KLHL1: variants seen among roughly 807,000 people sequenced by gnomAD.
KLHL1 encodes kelch-like protein 1.
In KLHL1, 47 loss-of-function variants were observed where a neutral mutation model predicts 77.7. The ratio of observed to expected loss-of-function variants is 0.60; its 90% CI spans 0.48 to 0.77. The LOEUF (loss-of-function observed/expected upper bound fraction) is 0.77. KLHL1 is among the 30% of genes least tolerant of loss of function. KLHL1 has a pLI of 0.00. For synonymous variants in KLHL1, 360 were observed against 325.2 expected (o/e 1.11, Z -1.15); for missense variants, 925 against 910.8 (o/e 1.02, Z -0.20).
intron 7 of KLHL1, among the ~76,000 whole-genome samples, chr13:69,780,729 T>TATATATATATATATAC (rs1876129920): frequency 1.5e-5 from 1 of 67,644 alleles, no homozygotes; most frequent in Non-Finnish European, 3.1e-5. Context: ...TATATATATA[T>TATATATATATATATAC]ATACATATAT....
At chr13:69,715,553 C>A (rs1362699790) in intron 9 of KLHL1, among the ~76,000 whole-genome samples, 1 of 151,160 alleles carries the variant, frequency 6.6e-6, no homozygotes, top group Non-Finnish European at 1.5e-5. Flanking sequence ...CGGAATCTCG[C>A]TCTGTTGCCC....
chr13:69,786,665 G>C (rs948619898), intron 7 of KLHL1, among the ~76,000 whole-genome samples: 1 of 152,142 alleles, frequency 6.6e-6, no homozygotes, highest in Non-Finnish European at 1.5e-5. Flanking sequence ...AGGTCAATTA[G>C]GCAGGAGAGG....
At chr13:69,761,155 A>G (rs1200573695) in intron 7 of KLHL1, among the ~76,000 whole-genome samples, 1 of 152,224 alleles carries the variant, frequency 6.6e-6, no homozygotes, top group African/African-American at 2.4e-5. Flanking sequence ...AGAACAATAT[A>G]AGAATCTGGC....
chr13:69,922,334 C>A (rs190067783), intron 4 of KLHL1, among the ~76,000 whole-genome samples: 1 of 151,908 alleles, frequency 6.6e-6, no homozygotes, highest in East Asian at 1.9e-4. Flanking sequence ...GAGAGAATAA[C>A]GTGTAAGGAC....
At chr13:69,882,649 GAA>G (rs1399395484) in intron 4 of KLHL1, among the ~76,000 whole-genome samples, 154 bp from the exon 5 acceptor site, 1 of 152,180 alleles carries the variant, frequency 6.6e-6, no homozygotes, top group African/African-American at 2.4e-5. Flanking sequence ...CTGTTAAGAT[GAA>G]AGCATTGTAA....
chr13:69,730,978 T>G (rs1381188050), intron 8 of KLHL1, among the ~76,000 whole-genome samples: 1 of 152,148 alleles, frequency 6.6e-6, no homozygotes, highest in Non-Finnish European at 1.5e-5. Context: ...TGAAGAATGT[T>G]AAATTTTATC....
At chr13:69,824,265 A>G (rs1878458199) in intron 6 of KLHL1, among the ~76,000 whole-genome samples, 1 of 152,106 alleles carries the variant, frequency 6.6e-6, no homozygotes, top group Admixed American at 6.6e-5. Flanking sequence ...TTATTAGTAG[A>G]AAAGACCATA....
In KLHL1 at chr13:69,729,537, GGT is replaced by G. The variant is rs536335897; in HGVS notation, c.1803-9958_1803-9957del. Among the ~76,000 whole-genome samples the G allele has an allele frequency of 1.5e-3, 230 of 152,076 alleles. 1 individual carries two copies. The highest frequency in any genetic ancestry group is 5.4e-3 in the African/African-American group (224 of 41,482). On this transcript the variant is annotated intron_variant, in intron 8 of 10. Coordinates refer to ENST00000377844, the MANE Select transcript of KLHL1 (RefSeq NM_020866.3). ...AAGGGGAAAAAATCACGTCAGCAGA[GGT>G]GAGGAAAAAAACAAACAAAAAAATG...
chr13:69,852,875 A>T (rs939184979), intron 5 of KLHL1, among the ~76,000 whole-genome samples: 4 of 152,044 alleles, frequency 2.6e-5, no homozygotes, highest in Non-Finnish European at 5.9e-5. Flanking sequence ...AATAAATGAA[A>T]ATATATTTAT....
chr13:70,047,819 A>G (rs1259541507), intron 1 of KLHL1, among the ~76,000 whole-genome samples: 1 of 152,178 alleles, frequency 6.6e-6, no homozygotes, highest in African/African-American at 2.4e-5. Context: ...ACTTTTAAGC[A>G]GAAGCATGTC....
chr13:69,816,622 G>A (rs532250920), intron 6 of KLHL1, among the ~76,000 whole-genome samples: 5 of 152,066 alleles, frequency 3.3e-5, no homozygotes, highest in South Asian at 2.1e-4. Flanking sequence ...ATTTCTTAGC[G>A]CTATAATTAA....
At chr13:69,916,437 G>C (rs922939349) in intron 4 of KLHL1, among the ~76,000 whole-genome samples, 1 of 152,070 alleles carries the variant, frequency 6.6e-6, no homozygotes, top group Non-Finnish European at 1.5e-5. Context: ...CATGTCCTTT[G>C]TAGGGACATG....
chr13:69,778,492 GTATCT>G (rs1169518892), intron 7 of KLHL1, among the ~76,000 whole-genome samples: 1 of 152,090 alleles, frequency 6.6e-6, no homozygotes, highest in Middle Eastern at 3.2e-3. Context: ...GCCGAATATA[GTATCT>G]TATATTCCTT....
rs1485924072 is a variant in KLHL1, at chr13:69,705,287, A to G, written c.2187+2338T>C. 5.9e-5 allele frequency among the ~76,000 whole-genome samples: 9 copies of G among 151,852 alleles called. No individual in the cohort carries two copies. The East Asian group carries it at 1.7e-3, about 29-fold the overall frequency. On this transcript the variant is annotated intron_variant, in intron 10 of 10. Coordinates refer to ENST00000377844, the MANE Select transcript of KLHL1 (RefSeq NM_020866.3). ...CAAAAGTCAAATTTATTTAAAACAT[A>G]CATAGATACACACGTGTATCTATAC...
chr13:70,051,316 C>G (rs1471878074), intron 1 of KLHL1, among the ~76,000 whole-genome samples: 1 of 151,934 alleles, frequency 6.6e-6, no homozygotes, highest in Non-Finnish European at 1.5e-5. Flanking sequence ...TCTGTGTATT[C>G]TTTGCACATG....
intron 1 of KLHL1, among the ~76,000 whole-genome samples, chr13:70,045,009 T>C (rs2137384095): frequency 6.6e-6 from 1 of 152,264 alleles, no homozygotes; most frequent in South Asian, 2.1e-4. Context: ...CAGCAACACC[T>C]AACTCTCACG....
At chr13:69,806,355 C>T (rs555791975) in intron 6 of KLHL1, among the ~76,000 whole-genome samples, 1 of 152,198 alleles carries the variant, frequency 6.6e-6, no homozygotes, top group Admixed American at 6.5e-5. Context: ...TCTAATAAAA[C>T]CTTAAGAGAA....
intron 1 of KLHL1, among the ~76,000 whole-genome samples, chr13:69,977,309 A>G (rs1884572601): frequency 6.6e-6 from 1 of 152,116 alleles, no homozygotes; most frequent in South Asian, 2.1e-4. Flanking sequence ...CTTTTAATAT[A>G]GATAATAAGC....
intron 3 of KLHL1, among the ~76,000 whole-genome samples, chr13:69,945,480 G>A (rs112961743): frequency 3.4e-5 from 5 of 149,204 alleles, no homozygotes; most frequent in African/African-American, 1.2e-4. Context: ...AAAAGCCACT[G>A]TAAGATATAT....
Sources: allele counts gnomAD v4.1 joint callset (sites outside exome capture counted in the v4.1 genomes callset), GRCh38; gene constraint gnomAD v4.1.1; transcripts MANE v1.5; gene names NCBI Gene and HGNC (gene_info 2026-07-23, HGNC 2026-07-21).